The following PTPRD variants were observed in gnomAD, a reference collection of about 807,000 sequenced individuals.
The protein encoded by PTPRD is receptor-type tyrosine-protein phosphatase delta.
PTPRD carries 34 observed loss-of-function variants against 214.5 expected under a neutral mutation model. That is an observed-to-expected ratio of 0.16 (90% CI 0.12 to 0.21). The LOEUF is 0.21. Ranked by LOEUF, PTPRD falls within the 10% of genes least tolerant of loss-of-function variation. The pLI is 1.00. For synonymous variants in PTPRD, 1,128 were observed against 845.7 expected, an observed-to-expected ratio of 1.33 and a Z score of -5.79; for missense variants, 2,545 against 2,398.7, an observed-to-expected ratio of 1.06 and a Z score of -1.27.
intron 7 of PTPRD, among the ~76,000 whole-genome samples, chr9:9,633,393 T>C (rs535566794): frequency 4.5e-4 from 68 of 152,168 alleles, no homozygotes; most frequent in African/African-American, 1.6e-3. Flanking sequence ...ATTTTATAGA[T>C]TGTAGGGAGT....
chr9:10,359,695 T>C (rs1436317532), intron 2 of PTPRD, among the ~76,000 whole-genome samples: 1 of 152,164 alleles, frequency 6.6e-6, no homozygotes. Context: ...AACTAAGTTC[T>C]GCAGTGTAAT....
chr9:9,634,585 T>C (rs1201616959), intron 7 of PTPRD, among the ~76,000 whole-genome samples: 1 of 152,164 alleles, frequency 6.6e-6, no homozygotes, highest in African/African-American at 2.4e-5. Context: ...CTTTACCAGG[T>C]AAAATTCTTG....
chr9:9,012,337 A>G (rs960156540), intron 11 of PTPRD, among the ~76,000 whole-genome samples: 1 of 152,186 alleles, frequency 6.6e-6, no homozygotes, highest in African/African-American at 2.4e-5. Context: ...GATAATAAAT[A>G]TATTTTGTGT....
chr9:8,424,466 C>A (rs1457583130), intron 35 of PTPRD, among the ~76,000 whole-genome samples: 1 of 152,174 alleles, frequency 6.6e-6, no homozygotes, highest in Non-Finnish European at 1.5e-5. Flanking sequence ...CCTGGAAGGA[C>A]TGAATGAGTT....
At chr9:10,412,101 A>C (rs925560894) in intron 2 of PTPRD, among the ~76,000 whole-genome samples, 8 of 151,926 alleles carry the variant, frequency 5.3e-5, no homozygotes, top group African/African-American at 1.9e-4. Context: ...GCAGTGCATT[A>C]GAAACAGCCT....
intron 10 of PTPRD, among the ~76,000 whole-genome samples, chr9:9,086,762 G>C (rs2154427952): frequency 6.6e-6 from 1 of 152,232 alleles, no homozygotes; most frequent in Non-Finnish European, 1.5e-5. Flanking sequence ...GGTGTGGCTT[G>C]GGCAAATGCT....
intron 4 of PTPRD, among the ~76,000 whole-genome samples, chr9:9,951,721 G>A (rs111244262): frequency 2.0e-5 from 3 of 152,332 alleles, no homozygotes; most frequent in African/African-American, 4.8e-5. Context: ...AGTATACTTT[G>A]AACGGGGAAG....
chr9:8,399,472 CATT>C (rs1398427186), intron 36 of PTPRD, among the ~76,000 whole-genome samples: 2 of 152,138 alleles, frequency 1.3e-5, no homozygotes, highest in African/African-American at 4.8e-5. Flanking sequence ...CTCAAGGTCA[CATT>C]GTTGTTTAAA....
chr9:8,428,235 A>G (rs1245558363), intron 35 of PTPRD, among the ~76,000 whole-genome samples: 3 of 152,148 alleles, frequency 2.0e-5, no homozygotes, highest in Non-Finnish European at 2.9e-5. Flanking sequence ...CAATCTGAGA[A>G]GCAGAAAAAC....
intron 3 of PTPRD, among the ~76,000 whole-genome samples, chr9:10,278,428 A>G (rs904776883): frequency 2.0e-5 from 3 of 152,100 alleles, no homozygotes; most frequent in Non-Finnish European, 4.4e-5. Flanking sequence ...GTAGAGGGAG[A>G]GGCTCAGATT....
intron 9 of PTPRD, among the ~76,000 whole-genome samples, chr9:9,199,298 G>T (rs1343043028): frequency 6.6e-6 from 1 of 152,174 alleles, no homozygotes; most frequent in Non-Finnish European, 1.5e-5. Context: ...AGAACTTTAA[G>T]CACATTCTCT....
At chr9:8,432,123 T>C (rs981904534) in intron 35 of PTPRD, among the ~76,000 whole-genome samples, 4 of 152,220 alleles carry the variant, frequency 2.6e-5, no homozygotes, top group Non-Finnish European at 5.9e-5. Flanking sequence ...TCTACACAAA[T>C]TACTCTGATT....
At position 9,374,222 on chromosome 9, in the gene PTPRD, G is replaced by T. The variant is rs141107493; in HGVS notation, c.-203+23227C>A. On this transcript the variant is annotated intron_variant, in intron 9 of 45. Coordinates refer to ENST00000381196, the MANE Select transcript of PTPRD (RefSeq NM_002839.4). ...ATGATAGACTGCAAAATTCTAGATA[G>T]CTGCCAAGGGGGACAGGAATAGGAG... is the stretch of plus-strand genomic sequence containing the variant. 3.6e-4 allele frequency among the ~76,000 whole-genome samples: 55 copies of T among 152,054 alleles called. 1 individual carries two copies. The highest frequency in any genetic ancestry group is 2.5e-3 in the South Asian group (12 of 4,818).
intron 3 of PTPRD, among the ~76,000 whole-genome samples, chr9:10,293,234 G>T (rs189099662): frequency 2.0e-5 from 3 of 151,722 alleles, no homozygotes; most frequent in African/African-American, 7.2e-5. Context: ...AAAAATATTG[G>T]GGTTTTCCTG....
At chr9:9,506,474 G>T (rs1004264871) in intron 8 of PTPRD, among the ~76,000 whole-genome samples, 6 of 151,334 alleles carry the variant, frequency 4.0e-5, no homozygotes, top group Non-Finnish European at 5.9e-5. Context: ...TGTCCTTCCA[G>T]ATTTATGATT....
chr9:9,558,066 A>G (rs1164013501), intron 8 of PTPRD, among the ~76,000 whole-genome samples: 1 of 152,124 alleles, frequency 6.6e-6, no homozygotes, highest in Non-Finnish European at 1.5e-5. Flanking sequence ...GAGCACGAGT[A>G]AGCTGAGCTG....
intron 7 of PTPRD, among the ~76,000 whole-genome samples, chr9:9,682,883 AAG>A (rs533880798): frequency 1.4e-3 from 206 of 151,854 alleles, no homozygotes; most frequent in African/African-American, 4.3e-3. Context: ...TACAGGGAAA[AAG>A]AGAGTTTTCT....
At chr9:10,394,538 G>A (rs1466358190) in intron 2 of PTPRD, among the ~76,000 whole-genome samples, 1 of 151,730 alleles carries the variant, frequency 6.6e-6, no homozygotes, top group Non-Finnish European at 1.5e-5. Context: ...GGAATGTATA[G>A]AAGAGAATGC....
intron 5 of PTPRD, among the ~76,000 whole-genome samples, chr9:9,852,399 G>C (rs1227935059): frequency 6.6e-6 from 1 of 151,814 alleles, no homozygotes. Context: ...GTGGAACTAG[G>C]ATAAATGCTA....
Sources: allele counts gnomAD v4.1 joint callset (sites outside exome capture counted in the v4.1 genomes callset), GRCh38; gene constraint gnomAD v4.1.1; transcripts MANE v1.5; gene names NCBI Gene and HGNC (gene_info 2026-07-23, HGNC 2026-07-21).